CFAP43: variants seen among roughly 807,000 people sequenced by gnomAD.
CFAP43 encodes the protein cilia and flagella associated protein 43.
A neutral mutation model predicts 218.9 loss-of-function variants in CFAP43; 155 were observed. The observed-to-expected ratio is 0.71, with a 90% CI of 0.62 to 0.81. The LOEUF is 0.81. Among genes scored for constraint, CFAP43 ranks in the 30% least tolerant of loss-of-function variants. The pLI is 0.00. For missense variants in CFAP43, 1,778 were observed against 1,954.3 expected (o/e 0.91, Z 1.70); for synonymous variants, 645 against 681.3 (o/e 0.95, Z 0.83).
rs1380393664 is a variant in CFAP43, at chr10:104,179,775, GA to G, written c.2382+64del. ...CTAACTTTCCAGTAGGTTTCCATAGGAAACTAATCTATTTGGTGCATCTACA... is the reference window on the plus strand; with the variant it reads ...CTAACTTTCCAGTAGGTTTCCATAGGAACTAATCTATTTGGTGCATCTACA... On this transcript the variant is annotated intron_variant, in intron 18 of 37. Transcript: ENST00000357060. 3.2e-6 allele frequency: 4 copies of G among 1,233,104 alleles called. No homozygotes were observed. In the African/African-American group the frequency reaches 6.0e-5, roughly 19 times the overall value. 76.4% of individuals were successfully genotyped at this position (1,233,104 alleles called of 1,614,324 possible).
At chr10:104,189,119 C>G (rs959146782) in intron 12 of CFAP43, among the ~76,000 whole-genome samples, 1 of 152,188 alleles carries the variant, frequency 6.6e-6, no homozygotes, top group Non-Finnish European at 1.5e-5. Flanking sequence ...TTTCTCCATT[C>G]ATTTCCTGAC....
At chr10:104,181,349 C>T (rs555790548) in intron 17 of CFAP43, among the ~76,000 whole-genome samples, 5 of 152,300 alleles carry the variant, frequency 3.3e-5, no homozygotes, top group African/African-American at 7.2e-5. Flanking sequence ...AAGACTCCTC[C>T]ACCTCCATCA....
At chr10:104,217,767 G>C (rs1168084491) in intron 3 of CFAP43, among the ~76,000 whole-genome samples, 1 of 152,186 alleles carries the variant, frequency 6.6e-6, no homozygotes, top group Non-Finnish European at 1.5e-5. Context: ...CAGATGCTGA[G>C]GCACTTAAGT....
Position 104,188,360 on chromosome 10 carries a change from C to G in CFAP43, c.1597G>C (p.Asp533His). The change falls in exon 13 of 38, where the codon GAC becomes CAC. Residue 533 changes from aspartate to histidine, a missense_variant. By Grantham distance (81) the Asp-to-His change is moderately conservative (BLOSUM62 -1). This residue lies in a region of CFAP43 where 1,553 missense variants were observed against 1,685.2 expected (regional missense o/e 0.92). Coordinates refer to ENST00000357060, the MANE Select transcript of CFAP43 (RefSeq NM_025145.7). ...QISTVSLLET[D>H]IVEVMVLSSL... The stretch of plus-strand genomic sequence containing the variant: ...GAAAGCACCATCACTTCCACTATGT[C>G]TGTTTCTAAAAGAGACACTGTGGAT... The G allele has an allele frequency of 6.2e-7, 1 of 1,614,166 alleles. No individual in the cohort carries two copies. The highest frequency in any genetic ancestry group is 8.5e-7 in the Non-Finnish European group (1 of 1,180,018).
chr10:104,198,099 T>A, intron 8 of CFAP43, 61 bp from the exon 9 acceptor site: 1 of 1,001,998 alleles, frequency 1.0e-6, no homozygotes, highest in African/African-American at 1.6e-5. Context: ...GTTCAACAAA[T>A]ATTTATTAAA....
At chr10:104,201,802 T>A (rs2090543346) in intron 8 of CFAP43, among the ~76,000 whole-genome samples, 1 of 152,194 alleles carries the variant, frequency 6.6e-6, no homozygotes, top group African/African-American at 2.4e-5. Context: ...CCACCTGGGA[T>A]CATTTTCCTC....
intron 27 of CFAP43, among the ~76,000 whole-genome samples, chr10:104,153,979 A>C (rs572949981): frequency 2.6e-5 from 4 of 152,194 alleles, no homozygotes; most frequent in African/African-American, 4.8e-5. Context: ...CAGGAACACT[A>C]TGTAAGTTAT....
chr10:104,151,592 G>T (rs2088261028), intron 28 of CFAP43, among the ~76,000 whole-genome samples: 1 of 152,074 alleles, frequency 6.6e-6, no homozygotes, highest in Non-Finnish European at 1.5e-5. Flanking sequence ...TTTTAATGGG[G>T]TTGTTTTTTT....
intron 28 of CFAP43, 133 bp downstream of exon 28, chr10:104,152,474 A>G: frequency 8.0e-7 from 1 of 1,243,858 alleles, no homozygotes; most frequent in South Asian, 1.4e-5. Context: ...GCACAAGATG[A>G]GACTGGAGAG....
At chr10:104,138,034 A>G (rs2087532602) in intron 34 of CFAP43, among the ~76,000 whole-genome samples, 1 of 152,264 alleles carries the variant, frequency 6.6e-6, no homozygotes, top group Non-Finnish European at 1.5e-5. Context: ...CAGATGGGAA[A>G]TTTAAAATAA....
intron 2 of CFAP43, among the ~76,000 whole-genome samples, chr10:104,230,292 C>A (rs1344255078): frequency 2.0e-5 from 3 of 151,940 alleles, no homozygotes; most frequent in Admixed American, 1.3e-4. Flanking sequence ...TGGTGAAACC[C>A]CATCTCTACT....
rs1045913965 is a variant in CFAP43, at chr10:104,198,300, G to T, written c.1096-262C>A. ...ATTTTATTTTAATTAATTAATTTTT[G>T]AGACAAAGTCTTGCTATTGTTGCCC... On this transcript the variant is annotated intron_variant, in intron 8 of 37. Coordinates refer to ENST00000357060, the MANE Select transcript of CFAP43 (RefSeq NM_025145.7). Among the ~76,000 whole-genome samples the T allele has an allele frequency of 2.6e-5, 4 of 152,036 alleles. No individual in the cohort carries two copies. The East Asian group carries it at 7.7e-4, about 29-fold the overall frequency.
At chr10:104,151,940 T>C (rs1589648945) in intron 28 of CFAP43, among the ~76,000 whole-genome samples, 1 of 152,340 alleles carries the variant, frequency 6.6e-6, no homozygotes. Context: ...GGGTATAGAA[T>C]TCAAAGCTAG....
chr10:104,161,656 G>A (rs1385183371), intron 26 of CFAP43, among the ~76,000 whole-genome samples: 1 of 152,014 alleles, frequency 6.6e-6, no homozygotes, highest in African/African-American at 2.4e-5. Flanking sequence ...TCTGAGACAG[G>A]GTCTTGCTCT....
rs1564787407 is a variant in CFAP43 at position 104,196,880 on chromosome 10, A to C, written c.1266T>G (p.Cys422Trp). ...GGGTATTCAGATAAATCTTGCTTAC[A>C]CAAGCACAATCCTCCAGCCACCAAA... is the stretch of plus-strand genomic sequence containing the variant. ...ICVWWLEDCA[C>W]VSKIYLNTLA... Residue 422 changes from cysteine to tryptophan, a missense_variant, in exon 10 of 38, where the codon TGT becomes TGG. By Grantham distance (215) the Cys-to-Trp change is radical. Around this residue, in one of 3 missense-constraint regions of CFAP43, gnomAD observed 1,553 missense variants for 1,685.2 expected, o/e 0.92. Transcript: ENST00000357060. The C allele has an allele frequency of 6.2e-7, 1 of 1,613,272 alleles. No homozygotes were observed. The highest frequency in any genetic ancestry group is 1.7e-5 in the Admixed American group (1 of 59,882).
chr10:104,218,746 C>T, intron 3 of CFAP43: 1 of 534,252 alleles, frequency 1.9e-6, no homozygotes, highest in Non-Finnish European at 3.8e-6. Flanking sequence ...TCCCCTCATC[C>T]TTTTCCCTCC....
chr10:104,224,900 T>C (rs2091271832), intron 3 of CFAP43, among the ~76,000 whole-genome samples: 1 of 152,018 alleles, frequency 6.6e-6, no homozygotes, highest in African/African-American at 2.4e-5. Context: ...AAGAAAAATA[T>C]CCTCTTGAAG....
At position 104,230,679 on chromosome 10, in the gene CFAP43, C is replaced by T. The variant is rs761454963; in HGVS notation, c.230G>A (p.Cys77Tyr). ...IVGVMATNIP[C>Y]EVVAFSDRKL... is the part of the protein sequence containing the mutation. ...CCGGTCAGAAAAAGCCACAACTTCA[C>T]AGGGGATGTTAGTTGCCATGACGCC... Residue 77 changes from cysteine (C) to tyrosine (Y), a missense_variant, in exon 2 of 38, where the codon TGT becomes TAT. Cys to Tyr is a radical substitution (Grantham distance 194). Coordinates refer to ENST00000357060, the MANE Select transcript of CFAP43 (RefSeq NM_025145.7). 3.7e-6 allele frequency: 6 copies of T among 1,613,976 alleles called. No individual in the cohort carries two copies. The Admixed American group carries it at 6.7e-5, about 18-fold the overall frequency.
rs1471177424 is a variant in CFAP43, at chr10:104,192,212, A to C, written c.1533T>G (p.Ile511Met). Reference sequence around the variant, plus strand: ...TCTATGTTGTACCTGTGAATCCAATAATCTGAAATGAGCTTGAGGAGTTGG... The same window carrying C: ...TCTATGTTGTACCTGTGAATCCAATCATCTGAAATGAGCTTGAGGAGTTGG... ...INANSSSSFQ[I>M]IGFTEVAKDI... The change falls in exon 12 of 38, where the codon ATT (isoleucine) becomes ATG (methionine). Residue 511 changes from isoleucine to methionine, a missense_variant. Around this residue, in one of 3 missense-constraint regions of CFAP43, gnomAD observed 1,553 missense variants for 1,685.2 expected, o/e 0.92. Coordinates refer to ENST00000357060, the MANE Select transcript of CFAP43 (RefSeq NM_025145.7). 1 of 1,610,340 alleles carries C rather than the reference A, an allele frequency of 6.2e-7. No individual in the cohort carries two copies. Among genetic ancestry groups the C allele is most frequent in the South Asian group, 1.1e-5 (1 of 90,728 alleles).
Sources: allele counts gnomAD v4.1 joint callset (sites outside exome capture counted in the v4.1 genomes callset), GRCh38; gene constraint gnomAD v4.1.1; regional missense constraint gnomAD v4.1.1; transcripts MANE v1.5; gene names NCBI Gene and HGNC (gene_info 2026-07-23, HGNC 2026-07-21).